Variants in RLBP1 observed in about 807,000 individuals in gnomAD.
The protein encoded by RLBP1 is retinaldehyde-binding protein 1.
A neutral mutation model predicts 36.2 loss-of-function variants in RLBP1; 26 were observed. The observed-to-expected ratio is 0.72, with a 90% CI of 0.53 to 1.00. The LOEUF (loss-of-function observed/expected upper bound fraction) is 1.00, where lower values mean the gene tolerates loss of function less well. RLBP1 is among the 50% of genes least tolerant of loss of function. RLBP1 has a pLI of 0.00. For synonymous variants in RLBP1, 155 were observed against 156.2 expected, an observed-to-expected ratio of 0.99 and a Z score of 0.06; for missense variants, 410 against 402.4, an observed-to-expected ratio of 1.02 and a Z score of -0.16.
chr15:89,221,239 C>T (rs534812254), intron 1 of RLBP1, among the ~76,000 whole-genome samples: 3 of 152,236 alleles, frequency 2.0e-5, no homozygotes, highest in Admixed American at 6.5e-5. Context: ...GAACTCCTGA[C>T]CTCAGGTGAT....
Position 89,210,650 on chromosome 15 carries a change from C to T in RLBP1, c.795+49G>A. 1 of 1,401,604 alleles carries T rather than the reference C, an allele frequency of 7.1e-7. No homozygotes were observed. 86.8% of individuals were successfully genotyped at this position (1,401,604 alleles called of 1,614,324 possible). A position where few individuals can be genotyped will look rare whatever the true frequency, so the allele number is the denominator to read the frequency against. The stretch of plus-strand genomic sequence containing the variant: ...AGTGTGAGGAGGGCTCAGGTGAGGC[C>T]CCACCCTCAGCCCTCTTGTCTCATT... On this transcript the variant is annotated intron_variant, in intron 8 of 8. Coordinates refer to ENST00000268125, the MANE Select transcript of RLBP1 (RefSeq NM_000326.5). The surrounding 1 kb of genome is among the most constrained non-coding windows in gnomAD (Gnocchi z 4.7).
chr15:89,216,470 G>A (rs925437137), intron 5 of RLBP1, among the ~76,000 whole-genome samples: 1 of 152,182 alleles, frequency 6.6e-6, no homozygotes, highest in African/African-American at 2.4e-5. Flanking sequence ...TTACAGGCAT[G>A]CGCCACCACG....
At chr15:89,215,421 T>C (rs2051572301) in intron 5 of RLBP1, among the ~76,000 whole-genome samples, 183 bp from the exon 6 acceptor site, 1 of 152,218 alleles carries the variant, frequency 6.6e-6, no homozygotes, top group Non-Finnish European at 1.5e-5. Context: ...GACCTATCTA[T>C]TCTAGATAGT....
At position 89,218,266 on chromosome 15, in the gene RLBP1, T is replaced by C. The variant is rs981837902; in HGVS notation, c.141+299A>G. Among the ~76,000 whole-genome samples, 7 of 152,258 alleles carry C rather than the reference T, an allele frequency of 4.6e-5. No homozygotes were observed. Among genetic ancestry groups the C allele is most frequent in the Admixed American group, 3.9e-4 (6 of 15,292 alleles). On this transcript the variant is annotated intron_variant, in intron 4 of 8. Coordinates refer to ENST00000268125, the MANE Select transcript of RLBP1 (RefSeq NM_000326.5). The surrounding 1 kb of genome is among the most constrained non-coding windows in gnomAD (Gnocchi z 4.6). ...TCTAGCAGGGGCAGCAGTTGGATCC[T>C]TGTTCCCCGGGGCCATTTCCAAACC... is the stretch of plus-strand genomic sequence containing the variant.
Position 89,218,275 on chromosome 15 carries a change from G to A in RLBP1, c.141+290C>T, listed in dbSNP as rs541990405. Among the ~76,000 whole-genome samples the A allele has an allele frequency of 3.9e-5, 6 of 152,292 alleles. No homozygotes were observed. Among genetic ancestry groups the A allele is most frequent in the East Asian group, 1.9e-4 (1 of 5,186 alleles). ...GGCAGCAGTTGGATCCTTGTTCCCC[G>A]GGGCCATTTCCAAACCAATGCTTCT... is the stretch of plus-strand genomic sequence containing the variant. On this transcript the variant is annotated intron_variant, in intron 4 of 8. Coordinates refer to ENST00000268125, the MANE Select transcript of RLBP1 (RefSeq NM_000326.5). This position sits in a 1 kb window ranked among gnomAD's most constrained non-coding sequence, Gnocchi z 4.6.
chr15:89,210,799 G>A lies in RLBP1; in HGVS notation c.695C>T (p.Pro232Leu). The change falls in exon 8 of 9, where the codon CCA becomes CTA. Residue 232 changes from proline to leucine, a missense_variant. By Grantham distance (98) the Pro-to-Leu change is moderately conservative (BLOSUM62 -3). Coordinates refer to ENST00000268125, the MANE Select transcript of RLBP1 (RefSeq NM_000326.5). The surrounding 1 kb of genome is among the most constrained non-coding windows in gnomAD (Gnocchi z 4.7). ...GAAGTGGATGGCTTTGAACCGGGCTGGGAAGGAATCCTGCGGTGACAGAGA... is the reference window on the plus strand; with the variant it reads ...GAAGTGGATGGCTTTGAACCGGGCTAGGAAGGAATCCTGCGGTGACAGAGA... Reference protein sequence around the residue: ...KMVDMLQDSFPARFKAIHFIH... With the variant: ...KMVDMLQDSFLARFKAIHFIH... The A allele has an allele frequency of 6.3e-7, 1 of 1,587,630 alleles. No homozygotes were observed. The highest frequency in any genetic ancestry group is 8.6e-7 in the Non-Finnish European group (1 of 1,164,860).
rs1398137944 is a variant in RLBP1 at position 89,211,749 on chromosome 15, C to T, written c.678G>A (p.Met226Ile). The T allele has an allele frequency of 5.0e-6, 8 of 1,613,882 alleles. No individual in the cohort carries two copies. Among genetic ancestry groups the T allele is most frequent in the Non-Finnish European group, 6.8e-6 (8 of 1,180,008 alleles). The change falls in exon 7 of 9, where the codon ATG becomes ATA. Residue 226 changes from methionine to isoleucine, a missense_variant. Coordinates refer to ENST00000268125, the MANE Select transcript of RLBP1 (RefSeq NM_000326.5). The surrounding 1 kb of genome is among the most constrained non-coding windows in gnomAD (Gnocchi z 5.8). ...RTSDLRKMVD[M>I]LQDSFPARFK... ...ACAGAACTCTAAGCCTCACCTGGAG[C>T]ATGTCCACCATCTTCCTGAGATCTG... is the stretch of plus-strand genomic sequence containing the variant.
chr15:89,217,022 AGTATGGAAGCAG>A lies in RLBP1; in HGVS notation c.346+86_346+97del. 4 of 1,296,024 alleles carry A rather than the reference AGTATGGAAGCAG, an allele frequency of 3.1e-6. No individual in the cohort carries two copies. The South Asian group carries it at 4.9e-5, about 16-fold the overall frequency. 80.3% of individuals were successfully genotyped at this position (1,296,024 alleles called of 1,614,324 possible). A position where few individuals can be genotyped will look rare whatever the true frequency, so the allele number is the denominator to read the frequency against. On this transcript the variant is annotated intron_variant, in intron 5 of 8. Coordinates refer to ENST00000268125, the MANE Select transcript of RLBP1 (RefSeq NM_000326.5). Reference sequence around the variant, plus strand: ...GGCTCAGAGAAACTGACTTGCCCACAGTATGGAAGCAGGCCTGTTCAGTGCCAGGATGAGAGC... The same window carrying A: ...GGCTCAGAGAAACTGACTTGCCCACAGCCTGTTCAGTGCCAGGATGAGAGC...
At chr15:89,212,585 CAAAAA>C (rs112344412) in intron 6 of RLBP1, among the ~76,000 whole-genome samples, 2 of 111,464 alleles carry the variant, frequency 1.8e-5, no homozygotes, top group Non-Finnish European at 3.8e-5. Flanking sequence ...AACTGTGTCT[CAAAAA>C]AAAAAAAAAA....
chr15:89,220,586 C>G (rs1596186365), intron 1 of RLBP1, among the ~76,000 whole-genome samples: 1 of 152,138 alleles, frequency 6.6e-6, no homozygotes, highest in African/African-American at 2.4e-5. Flanking sequence ...CCATAATCCA[C>G]CCACAGGAAC....
At chr15:89,216,502 A>C (rs926738873) in intron 5 of RLBP1, among the ~76,000 whole-genome samples, 24 of 152,092 alleles carry the variant, frequency 1.6e-4, no homozygotes, top group African/African-American at 5.8e-4. Context: ...TTGTATTTTT[A>C]GTAGAGATGG....
chr15:89,216,490 T>G lies in RLBP1; in HGVS notation c.346+630A>C, dbSNP rs140008327. Among the ~76,000 whole-genome samples the G allele has an allele frequency of 5.8e-3, 879 of 152,154 alleles. 15 individuals are homozygous for G. Among genetic ancestry groups the G allele is most frequent in the African/African-American group, 0.02 (840 of 41,490 alleles). ...GGCATGCGCCACCACGCCCGGCTAG[T>G]TTTGTATTTTTAGTAGAGATGGGGT... On this transcript the variant is annotated intron_variant, in intron 5 of 8. Coordinates refer to ENST00000268125, the MANE Select transcript of RLBP1 (RefSeq NM_000326.5).
In RLBP1 at chr15:89,214,917, G is replaced by C; in HGVS notation, c.525+143C>G. ...TAGGAATTCTCTCCCTGCCTGGAAA[G>C]GGCTAGGTGGCAGGTGGCTGCCCAC... On this transcript the variant is annotated intron_variant, in intron 6 of 8. Transcript: ENST00000268125. The surrounding 1 kb of genome is among the most constrained non-coding windows in gnomAD (Gnocchi z 4.6). 1 of 820,734 alleles carries C rather than the reference G, an allele frequency of 1.2e-6. No homozygotes were observed. Among genetic ancestry groups the C allele is most frequent in the Non-Finnish European group, 2.0e-6 (1 of 495,094 alleles). 50.8% of individuals were successfully genotyped at this position (820,734 alleles called of 1,614,324 possible).
rs916976778 is a variant in RLBP1 at position 89,221,026 on chromosome 15, A to C, written c.-224+509T>G. Among the ~76,000 whole-genome samples, 35 of 77,776 alleles carry C rather than the reference A, an allele frequency of 4.5e-4. 1 individual carries two copies. The highest frequency in any genetic ancestry group is 1.8e-3 in the African/African-American group (34 of 18,988). 51.0% of individuals were successfully genotyped at this position (77,776 alleles called of 152,430 possible). On this transcript the variant is annotated intron_variant, in intron 1 of 8. Coordinates refer to ENST00000268125, the MANE Select transcript of RLBP1 (RefSeq NM_000326.5). ...AACTTTTTTTTTTTTTTTTTTTTTGAGATGGAGTTTTGTTCTTGTCGCCCA... is the reference window on the plus strand; with the variant it reads ...AACTTTTTTTTTTTTTTTTTTTTTGCGATGGAGTTTTGTTCTTGTCGCCCA...
At chr15:89,215,636 G>A (rs1387267667) in intron 5 of RLBP1, among the ~76,000 whole-genome samples, 2 of 152,184 alleles carry the variant, frequency 1.3e-5, no homozygotes, top group African/African-American at 4.8e-5. Flanking sequence ...GCACAGGGCT[G>A]AGGAGAAGCT....
chr15:89,210,443 C>T lies in RLBP1; in HGVS notation c.796G>A (p.Val266Ile), dbSNP rs200917437. ...GAAAGGTCATCCCCGTGGACAAAGACCTGCAGGGAAGCAAGGGAGACAGAA... is the reference window on the plus strand; with the variant it reads ...GAAAGGTCATCCCCGTGGACAAAGATCTGCAGGGAAGCAAGGGAGACAGAA... The part of the protein sequence containing the change: ...PFLKSKLLER[V>I]FVHGDDLSGF... The change falls in exon 9 of 9, where the codon GTC becomes ATC. Residue 266 changes from valine (V) to isoleucine (I), a missense_variant and splice_region_variant. Coordinates refer to ENST00000268125, the MANE Select transcript of RLBP1 (RefSeq NM_000326.5). The surrounding 1 kb of genome is among the most constrained non-coding windows in gnomAD (Gnocchi z 4.7). 1.2e-4 allele frequency: 187 copies of T among 1,614,134 alleles called. 1 individual carries two copies. The Admixed American group carries it at 3.0e-3, about 26-fold the overall frequency.
At chr15:89,216,462 A>AC (rs1206651745) in intron 5 of RLBP1, among the ~76,000 whole-genome samples, 1 of 152,202 alleles carries the variant, frequency 6.6e-6, no homozygotes, top group Non-Finnish European at 1.5e-5. Context: ...AGCTGAGATT[A>AC]CAGGCATGCG....
At chr15:89,212,012 AG>A in intron 6 of RLBP1, 111 bp from the exon 7 acceptor site, 1 of 1,137,398 alleles carries the variant, frequency 8.8e-7, no homozygotes, top group Non-Finnish European at 1.3e-6. Context: ...AATTTGCTGC[AG>A]GCTTTGATCT....
intron 5 of RLBP1, 61 bp from the exon 6 acceptor site, chr15:89,215,299 C>T: frequency 4.5e-6 from 7 of 1,560,410 alleles, no homozygotes; most frequent in South Asian, 3.4e-5. Context: ...CCCCATCCCT[C>T]CTAGTGGGAC....
Sources: allele counts gnomAD v4.1 joint callset (sites outside exome capture counted in the v4.1 genomes callset), GRCh38; gene constraint gnomAD v4.1.1; non-coding constraint Gnocchi (gnomAD v3.1); transcripts MANE v1.5; gene names NCBI Gene and HGNC (gene_info 2026-07-23, HGNC 2026-07-21).